COL4A5: variants seen among roughly 807,000 people sequenced by gnomAD.
COL4A5 encodes the protein collagen alpha-5(IV) chain.
COL4A5 carries 26 observed loss-of-function variants against 130.2 expected under a neutral mutation model. That is an observed-to-expected ratio of 0.20 (90% confidence interval 0.15 to 0.28). The LOEUF is 0.28. COL4A5 is among the 10% of genes least tolerant of loss of function. COL4A5 has a pLI of 1.00. For synonymous variants in COL4A5, 496 were observed against 439.6 expected (o/e 1.13, Z -1.60); for missense variants, 1,131 against 1,344.3 (o/e 0.84, Z 2.48).
At chrX:108,537,509 C>T (rs1401645825) in intron 1 of COL4A5, among the ~76,000 whole-genome samples, 3 of 111,174 alleles carry the variant, frequency 2.7e-5, no homozygotes. Context: ...TAGGGGCTAT[C>T]GTTGGATACT....
chrX:108,541,926 T>G (rs1225878104), intron 2 of COL4A5, among the ~76,000 whole-genome samples: 1 of 111,537 alleles, frequency 9.0e-6, no homozygotes, highest in African/African-American at 3.3e-5. Flanking sequence ...AATTAAAAAT[T>G]ACCAAGTAAA....
intron 2 of COL4A5, among the ~76,000 whole-genome samples, chrX:108,550,472 G>T (rs952215257): frequency 4.5e-5 from 5 of 111,650 alleles, no homozygotes; most frequent in African/African-American, 1.6e-4. Context: ...CGATAACAAA[G>T]AATGCATTTA....
intron 42 of COL4A5, among the ~76,000 whole-genome samples, chrX:108,671,398 C>T (rs2068204646): frequency 9.0e-6 from 1 of 111,525 alleles, no homozygotes. Flanking sequence ...TTTGTTTCTA[C>T]CTGAATTGAT....
At position 108,695,373 on chromosome X, in the gene COL4A5, C is replaced by A. The variant is rs1486730002; in HGVS notation, c.4928C>A (p.Thr1643Asn). 8.3e-7 allele frequency: 1 copy of A among 1,209,394 alleles called. No homozygotes were observed. The highest frequency in any genetic ancestry group is 1.8e-5 in the South Asian group (1 of 56,783). Residue 1643 changes from threonine (T) to asparagine (N), a missense_variant, in exon 52 of 53, where the codon ACC becomes AAC. By Grantham distance (65) the Thr-to-Asn change is moderately conservative. Coordinates refer to ENST00000328300, the MANE Select transcript of COL4A5 (RefSeq NM_033380.3). ...APFIECHGRG[T>N]CNYYANSYSF... ...TTCATCGAATGTCATGGGAGGGGTA[C>A]CTGTAACTACTATGCCAACTCCTAC...
intron 36 of COL4A5, among the ~76,000 whole-genome samples, chrX:108,652,549 A>G (rs1378660527): frequency 8.9e-6 from 1 of 112,547 alleles, no homozygotes; most frequent in African/African-American, 3.2e-5. Flanking sequence ...TGCAAGAACA[A>G]AAGTGATTAG....
intron 4 of COL4A5, among the ~76,000 whole-genome samples, chrX:108,567,828 A>G (rs908857641): frequency 9.0e-6 from 1 of 111,620 alleles, no homozygotes; most frequent in East Asian, 2.8e-4. Flanking sequence ...CCATGATTCA[A>G]TTATCTCCCA....
At chrX:108,531,043 G>A (rs1394232121) in intron 1 of COL4A5, among the ~76,000 whole-genome samples, 1 of 105,598 alleles carries the variant, frequency 9.5e-6, no homozygotes, top group Non-Finnish European at 1.9e-5. Context: ...AAAATGATGA[G>A]CTCATGTCCT....
At chrX:108,497,973 T>C (rs1391758187) in intron 1 of COL4A5, among the ~76,000 whole-genome samples, 3 of 111,889 alleles carry the variant, frequency 2.7e-5, no homozygotes, top group African/African-American at 9.7e-5. Context: ...CTTATTCTTT[T>C]TCTTAATGAT....
In COL4A5 at chrX:108,603,271, A is replaced by C. The variant is rs764076041; in HGVS notation, c.2244+210A>C. Among the ~76,000 whole-genome samples the C allele has an allele frequency of 7.3e-5, 8 of 109,535 alleles. No individual in the cohort carries two copies. In the East Asian group the frequency reaches 2.0e-3, roughly 27 times the overall value. ...CACATTTGGAGCAAAAAAAAAAAAA[A>C]AAAAAACCTAATTTCTGTACCTACT... On this transcript the variant is annotated intron_variant, in intron 28 of 52. Transcript: ENST00000328300.
intron 48 of COL4A5, 64 bp downstream of exon 48, chrX:108,686,193 A>G: frequency 5.8e-6 from 5 of 863,800 alleles, no homozygotes; most frequent in South Asian, 2.1e-5. Context: ...ACCTCTGGAC[A>G]TAGGGCCTCC....
chrX:108,484,152 A>T (rs1359569221), intron 1 of COL4A5, among the ~76,000 whole-genome samples: 6 of 111,597 alleles, frequency 5.4e-5, no homozygotes, highest in Non-Finnish European at 7.5e-5. Flanking sequence ...TCAACTCTAG[A>T]ATTTCTGCTT....
intron 10 of COL4A5, 85 bp downstream of exon 10, chrX:108,576,057 A>G: frequency 1.7e-6 from 1 of 580,301 alleles, no homozygotes; most frequent in East Asian, 3.7e-5. Flanking sequence ...AATACTTGAA[A>G]ACATAATGCA....
intron 1 of COL4A5, among the ~76,000 whole-genome samples, chrX:108,490,731 ATAT>A (rs1391027861): frequency 9.0e-6 from 1 of 110,978 alleles, no homozygotes; most frequent in Non-Finnish European, 1.9e-5. Flanking sequence ...TTTGTTTTAC[ATAT>A]TATTACATCA....
At chrX:108,660,412 T>C (rs1048646315) in intron 37 of COL4A5, among the ~76,000 whole-genome samples, 1 of 111,819 alleles carries the variant, frequency 8.9e-6, no homozygotes, top group Non-Finnish European at 1.9e-5. Flanking sequence ...TCATTTATTG[T>C]AAAATGATTT....
chrX:108,584,553 T>G (rs1280690906), intron 18 of COL4A5, 28 bp downstream of exon 18: 1 of 1,157,063 alleles, frequency 8.6e-7, no homozygotes, highest in Admixed American at 2.3e-5. Flanking sequence ...AGTCTTCGTT[T>G]ATCAAATTTA....
At chrX:108,633,154 T>C (rs1040947706) in intron 36 of COL4A5, among the ~76,000 whole-genome samples, 2 of 110,955 alleles carry the variant, frequency 1.8e-5, no homozygotes, top group Admixed American at 9.7e-5. Context: ...AGTTTTTTGA[T>C]TGTCAATATT....
intron 1 of COL4A5, among the ~76,000 whole-genome samples, chrX:108,510,810 A>G (rs911528116): frequency 9.0e-6 from 1 of 111,116 alleles, no homozygotes; most frequent in Admixed American, 9.5e-5. Context: ...TTTACTGTCT[A>G]TGTACTTTTC....
intron 1 of COL4A5, among the ~76,000 whole-genome samples, chrX:108,484,861 G>A (rs1010628220): frequency 8.9e-6 from 1 of 112,569 alleles, no homozygotes; most frequent in African/African-American, 3.2e-5. Flanking sequence ...GGCGAATCCA[G>A]GCTTGTGTCC....
chrX:108,619,025 G>A (rs183555630), intron 30 of COL4A5, among the ~76,000 whole-genome samples: 89 of 111,103 alleles, frequency 8.0e-4, no homozygotes, highest in African/African-American at 2.7e-3. Context: ...ACAATAGATA[G>A]TGATCCATAT....
Sources: allele counts gnomAD v4.1 joint callset (sites outside exome capture counted in the v4.1 genomes callset), GRCh38; gene constraint gnomAD v4.1.1; transcripts MANE v1.5; gene names NCBI Gene and HGNC (gene_info 2026-07-23, HGNC 2026-07-21).